SGCZ: variants seen among roughly 807,000 people sequenced by gnomAD.
The protein encoded by SGCZ is sarcoglycan zeta, also known as zeta-sarcoglycan.
A neutral mutation model predicts 41.3 loss-of-function variants in SGCZ; 40 were observed. That is an observed-to-expected ratio of 0.97 (90% CI 0.75 to 1.26). The LOEUF is 1.26. SGCZ is among the 50% of genes most tolerant of loss of function. The pLI is 0.00. For synonymous variants in SGCZ, 206 were observed against 137.5 expected, an observed-to-expected ratio of 1.50 and a Z score of -3.49; for missense variants, 552 against 369.8, an observed-to-expected ratio of 1.49 and a Z score of -4.04.
chr8:14,697,631 C>A (rs1809007617), intron 1 of SGCZ, among the ~76,000 whole-genome samples: 1 of 151,946 alleles, frequency 6.6e-6, no homozygotes, highest in East Asian at 1.9e-4. Context: ...ATTCCATAAA[C>A]ATGCCAATAA....
intron 2 of SGCZ, among the ~76,000 whole-genome samples, chr8:14,523,436 G>C (rs74725246): frequency 6.6e-6 from 1 of 151,972 alleles, no homozygotes; most frequent in Non-Finnish European, 1.5e-5. Context: ...GTCAAAACAG[G>C]ATTCTAGTTT....
intron 2 of SGCZ, among the ~76,000 whole-genome samples, chr8:14,359,932 T>A (rs1803448498): frequency 6.6e-6 from 1 of 152,158 alleles, no homozygotes; most frequent in African/African-American, 2.4e-5. Context: ...CCATTGGGAT[T>A]TATCTCACGG....
Position 14,777,330 on chromosome 8 carries a change from C to T in SGCZ, c.40-222404G>A, listed in dbSNP as rs191560547. 1.3e-3 allele frequency among the ~76,000 whole-genome samples: 198 copies of T among 151,890 alleles called. 2 individuals carry two copies. In the South Asian group the frequency reaches 0.035, roughly 27 times the overall value. ...AGATATCATAAACGAGTAATATTAACGACATTTAATTTGTAAAAGAGAAAG... is the reference window on the plus strand; with the variant it reads ...AGATATCATAAACGAGTAATATTAATGACATTTAATTTGTAAAAGAGAAAG... On this transcript the variant is annotated intron_variant, in intron 1 of 7. Coordinates refer to ENST00000382080, the MANE Select transcript of SGCZ (RefSeq NM_139167.4).
intron 1 of SGCZ, among the ~76,000 whole-genome samples, chr8:14,571,960 A>G (rs781508868): frequency 5.9e-5 from 9 of 152,210 alleles, no homozygotes; most frequent in Non-Finnish European, 8.8e-5. Flanking sequence ...GTTGGAATGA[A>G]TAGGAAAAGA....
intron 2 of SGCZ, among the ~76,000 whole-genome samples, chr8:14,536,564 G>C (rs1240262073): frequency 6.6e-6 from 1 of 151,700 alleles, no homozygotes; most frequent in Admixed American, 6.6e-5. Context: ...AGGAATTTTA[G>C]AGGAATTTCT....
chr8:15,100,669 A>G (rs572260674), intron 1 of SGCZ, among the ~76,000 whole-genome samples: 1 of 152,292 alleles, frequency 6.6e-6, no homozygotes, highest in Admixed American at 6.5e-5. Flanking sequence ...AAGTTGAAGG[A>G]CAGACACTAC....
At chr8:15,226,147 T>C (rs1172744500) in intron 1 of SGCZ, among the ~76,000 whole-genome samples, 2 of 152,176 alleles carry the variant, frequency 1.3e-5, no homozygotes, top group African/African-American at 2.4e-5. Flanking sequence ...AATTCAAATA[T>C]CTTGGCCTGT....
At chr8:14,121,537 T>G (rs973952511) in intron 5 of SGCZ, among the ~76,000 whole-genome samples, 1 of 152,192 alleles carries the variant, frequency 6.6e-6, no homozygotes, top group Non-Finnish European at 1.5e-5. Flanking sequence ...AGGGTTTTTT[T>G]GGTATTGCCG....
chr8:14,737,028 T>C (rs1472860511), intron 1 of SGCZ, among the ~76,000 whole-genome samples: 1 of 150,626 alleles, frequency 6.6e-6, no homozygotes, highest in Non-Finnish European at 1.5e-5. Context: ...TAGATATATA[T>C]ATTATATACC....
intron 4 of SGCZ, among the ~76,000 whole-genome samples, chr8:14,186,547 A>G (rs1338217162): frequency 6.6e-6 from 1 of 152,096 alleles, no homozygotes; most frequent in Non-Finnish European, 1.5e-5. Flanking sequence ...GACTAAAGGC[A>G]CTCCCCAACC....
intron 3 of SGCZ, among the ~76,000 whole-genome samples, chr8:14,285,289 C>T (rs897889938): frequency 1.3e-5 from 2 of 152,124 alleles, no homozygotes; most frequent in Non-Finnish European, 2.9e-5. Context: ...TAAAAACATT[C>T]CCAATTTCTT....
At chr8:15,157,869 T>G (rs1289976220) in intron 1 of SGCZ, among the ~76,000 whole-genome samples, 1 of 152,248 alleles carries the variant, frequency 6.6e-6, no homozygotes, top group African/African-American at 2.4e-5. Context: ...AATACCCATT[T>G]GGCCTACAAA....
chr8:14,184,596 T>G (rs1804842855), intron 4 of SGCZ, among the ~76,000 whole-genome samples: 1 of 152,206 alleles, frequency 6.6e-6, no homozygotes, highest in African/African-American at 2.4e-5. Flanking sequence ...ATTGTTTGAT[T>G]ATGTTATCAA....
At chr8:15,027,565 A>T (rs954265347) in intron 1 of SGCZ, among the ~76,000 whole-genome samples, 1 of 152,042 alleles carries the variant, frequency 6.6e-6, no homozygotes, top group African/African-American at 2.4e-5. Flanking sequence ...ATTTTATATA[A>T]TTATTATACC....
chr8:14,673,224 G>T (rs1808160918), intron 1 of SGCZ, among the ~76,000 whole-genome samples: 1 of 152,194 alleles, frequency 6.6e-6, no homozygotes, highest in Admixed American at 6.5e-5. Context: ...TTAGATGGTT[G>T]ATATGGTTTG....
chr8:15,022,729 C>T (rs961050917), intron 1 of SGCZ, among the ~76,000 whole-genome samples: 1 of 152,116 alleles, frequency 6.6e-6, no homozygotes, highest in African/African-American at 2.4e-5. Context: ...AGAGACAAAA[C>T]ATGGCAATAG....
At chr8:14,791,006 G>C (rs1198318856) in intron 1 of SGCZ, among the ~76,000 whole-genome samples, 1 of 150,576 alleles carries the variant, frequency 6.6e-6, no homozygotes, top group African/African-American at 2.5e-5. Flanking sequence ...CCTCAAGCCT[G>C]GGCAACAGAG....
chr8:14,249,753 AT>A (rs1436253437), intron 3 of SGCZ, among the ~76,000 whole-genome samples: 2 of 152,114 alleles, frequency 1.3e-5, no homozygotes, highest in Non-Finnish European at 2.9e-5. Flanking sequence ...TGGGGGGAAT[AT>A]TCCTGAGATT....
At chr8:15,186,217 G>C (rs919211190) in intron 1 of SGCZ, among the ~76,000 whole-genome samples, 2 of 135,916 alleles carry the variant, frequency 1.5e-5, no homozygotes, top group South Asian at 2.3e-4. Context: ...AGCAGAGATC[G>C]TGCCACTGCA....
Sources: allele counts gnomAD v4.1 joint callset (sites outside exome capture counted in the v4.1 genomes callset), GRCh38; gene constraint gnomAD v4.1.1; transcripts MANE v1.5; gene names NCBI Gene and HGNC (gene_info 2026-07-23, HGNC 2026-07-21).